Variants in SPOCK1 observed in about 807,000 individuals in gnomAD.
The protein encoded by SPOCK1 is SPARC (osteonectin), cwcv and kazal like domains proteoglycan 1.
SPOCK1 carries 23 observed loss-of-function variants against 55.3 expected under a neutral mutation model. The ratio of observed to expected loss-of-function variants is 0.42; its 90% CI spans 0.30 to 0.59. SPOCK1 has a LOEUF of 0.59. Ranked by LOEUF, SPOCK1 falls within the 20% of genes least tolerant of loss-of-function variation. The pLI is 0.22. For synonymous variants in SPOCK1, 226 were observed against 221.0 expected (o/e 1.02, Z -0.20); for missense variants, 499 against 552.5 (o/e 0.90, Z 0.97).
intron 4 of SPOCK1, among the ~76,000 whole-genome samples, chr5:137,114,249 C>T (rs1459198663): frequency 3.3e-5 from 5 of 152,160 alleles, no homozygotes; most frequent in Non-Finnish European, 7.3e-5. Flanking sequence ...GTCTTACTAG[C>T]GGGGAAAACT....
At chr5:137,320,726 G>A (rs1757967204) in intron 2 of SPOCK1, among the ~76,000 whole-genome samples, 1 of 152,158 alleles carries the variant, frequency 6.6e-6, no homozygotes, top group Non-Finnish European at 1.5e-5. Flanking sequence ...TCCCCAAAAG[G>A]TTAAGAGACG....
Position 137,160,577 on chromosome 5 carries a change from A to AT in SPOCK1, c.233-19884_233-19883insA, listed in dbSNP as rs1167519489. 9.6e-3 allele frequency among the ~76,000 whole-genome samples: 550 copies of AT among 57,580 alleles called. 10 individuals carry two copies. The highest frequency in any genetic ancestry group is 0.035 in the African/African-American group (527 of 14,986). 37.8% of individuals were successfully genotyped at this position (57,580 alleles called of 152,430 possible). On this transcript the variant is annotated intron_variant, in intron 3 of 10. Transcript: ENST00000394945. ...ATATATTATATATTATATATTATAT[A>AT]ATATATATAATATATAATATATTAT... is the stretch of plus-strand genomic sequence containing the variant.
intron 6 of SPOCK1, among the ~76,000 whole-genome samples, chr5:137,004,682 A>G (rs4321747): frequency 0.79 from 119,370 of 151,990 alleles, 48,367 homozygotes; most frequent in South Asian, 0.93. Context: ...TCATATATAA[A>G]CAACAATGTA....
chr5:137,178,581 T>C (rs1053147574), intron 3 of SPOCK1, among the ~76,000 whole-genome samples: 1 of 152,220 alleles, frequency 6.6e-6, no homozygotes, highest in Non-Finnish European at 1.5e-5. Context: ...ACTCAAATGC[T>C]GAAGTTTCTT....
intron 5 of SPOCK1, among the ~76,000 whole-genome samples, chr5:137,110,635 T>A (rs1307892500): frequency 1.3e-5 from 2 of 152,096 alleles, no homozygotes; most frequent in Non-Finnish European, 2.9e-5. Context: ...TGGGGAAGTG[T>A]GGGTTTAGTT....
intron 2 of SPOCK1, among the ~76,000 whole-genome samples, chr5:137,420,805 G>A (rs1441393173): frequency 3.3e-5 from 5 of 152,050 alleles, no homozygotes; most frequent in Admixed American, 6.5e-5. Context: ...CTTCAGTTCT[G>A]CTCTGATCTT....
At chr5:137,197,926 T>C (rs1222839435) in intron 3 of SPOCK1, among the ~76,000 whole-genome samples, 1 of 152,178 alleles carries the variant, frequency 6.6e-6, no homozygotes. Context: ...ATTACAATCA[T>C]CCTCCTCACT....
chr5:137,182,681 C>A (rs1385511151), intron 3 of SPOCK1, among the ~76,000 whole-genome samples: 1 of 152,124 alleles, frequency 6.6e-6, no homozygotes, highest in Non-Finnish European at 1.5e-5. Context: ...TCCTTGAGGG[C>A]AGAGATGGTC....
At chr5:137,331,241 G>C (rs1351911556) in intron 2 of SPOCK1, among the ~76,000 whole-genome samples, 1 of 152,202 alleles carries the variant, frequency 6.6e-6, no homozygotes, top group African/African-American at 2.4e-5. Context: ...CCTTCCCTAA[G>C]TCTGCCTTGT....
chr5:137,033,835 T>A (rs7706861), intron 6 of SPOCK1, among the ~76,000 whole-genome samples: 4 of 152,268 alleles, frequency 2.6e-5, no homozygotes, highest in African/African-American at 9.6e-5. Flanking sequence ...AACTCCTGGC[T>A]TCAAGTGATC....
At chr5:137,207,453 C>G (rs1297525245) in intron 3 of SPOCK1, among the ~76,000 whole-genome samples, 1 of 152,226 alleles carries the variant, frequency 6.6e-6, no homozygotes, top group Admixed American at 6.5e-5. Context: ...CAAACTTTTT[C>G]TAACTGCAGG....
chr5:137,161,094 T>C (rs1183724612), intron 3 of SPOCK1, among the ~76,000 whole-genome samples: 1 of 147,122 alleles, frequency 6.8e-6, no homozygotes, highest in East Asian at 1.9e-4. Flanking sequence ...ACATATTATA[T>C]AATATATATA....
intron 2 of SPOCK1, among the ~76,000 whole-genome samples, chr5:137,423,352 C>T (rs1207774673): frequency 6.6e-6 from 1 of 152,204 alleles, no homozygotes; most frequent in Non-Finnish European, 1.5e-5. Context: ...GATTCTGCTG[C>T]CTTTTGTTTT....
At chr5:137,312,701 T>C (rs1042980592) in intron 2 of SPOCK1, among the ~76,000 whole-genome samples, 4 of 152,038 alleles carry the variant, frequency 2.6e-5, no homozygotes, top group African/African-American at 9.7e-5. Flanking sequence ...GCGAGTAGGG[T>C]ACAGTGGATA....
intron 5 of SPOCK1, among the ~76,000 whole-genome samples, chr5:137,084,963 A>C (rs1752936284): frequency 7.6e-6 from 1 of 131,514 alleles, no homozygotes; most frequent in Admixed American, 7.3e-5. Flanking sequence ...GCAAAAAAAA[A>C]AAAAAAAAAG....
chr5:137,432,120 G>A (rs896114580), intron 2 of SPOCK1, among the ~76,000 whole-genome samples: 17 of 152,188 alleles, frequency 1.1e-4, no homozygotes, highest in Non-Finnish European at 2.1e-4. Context: ...ACAAGTGTTG[G>A]TATGAGGATA....
At chr5:137,450,743 AT>A in intron 2 of SPOCK1, among the ~76,000 whole-genome samples, 1 of 151,882 alleles carries the variant, frequency 6.6e-6, no homozygotes, top group East Asian at 1.9e-4. Context: ...TATCTCTCCT[AT>A]TACCTGGGCT....
chr5:137,348,147 T>C (rs555877654), intron 2 of SPOCK1, among the ~76,000 whole-genome samples: 1 of 152,282 alleles, frequency 6.6e-6, no homozygotes, highest in East Asian at 1.9e-4. Flanking sequence ...CCAAGCCTGG[T>C]ACATGTTGGC....
At chr5:137,367,776 G>A (rs1751106931) in intron 2 of SPOCK1, among the ~76,000 whole-genome samples, 1 of 152,154 alleles carries the variant, frequency 6.6e-6, no homozygotes, top group Admixed American at 6.5e-5. Context: ...CACCATTTAG[G>A]CACCAACTAC....
Sources: allele counts gnomAD v4.1 joint callset (sites outside exome capture counted in the v4.1 genomes callset), GRCh38; gene constraint gnomAD v4.1.1; transcripts MANE v1.5; gene names NCBI Gene and HGNC (gene_info 2026-07-23, HGNC 2026-07-21).